ZNF723: variants seen among roughly 807,000 people sequenced by gnomAD.
ZNF723 encodes the protein zinc finger protein 723.
Under a neutral mutation model 9.4 loss-of-function variants are expected in ZNF723, and 5 were observed. That is an observed-to-expected ratio of 0.53 (90% CI 0.28 to 1.12). The LOEUF is 1.12. ZNF723 is among the 50% of genes most tolerant of loss of function. ZNF723 has a pLI of 0.10. For missense variants in ZNF723, 450 were observed against 501.5 expected, an observed-to-expected ratio of 0.90 and a Z score of 0.98; for synonymous variants, 158 against 168.8, an observed-to-expected ratio of 0.94 and a Z score of 0.49.
upstream of ZNF723, among the ~76,000 whole-genome samples, chr19:22,831,047 G>A (rs1194003287): frequency 6.6e-6 from 1 of 152,164 alleles, no homozygotes; most frequent in Non-Finnish European, 1.5e-5. Flanking sequence ...ACAGGCGTGA[G>A]CCACCGTGCC....
the ZNF723 span, among the ~76,000 whole-genome samples, chr19:22,813,497 G>A: frequency 6.6e-6 from 1 of 152,006 alleles, no homozygotes; most frequent in Admixed American, 6.6e-5. Flanking sequence ...TGCCTACAGG[G>A]GACACTGATA....
At chr19:22,821,510 G>T in the ZNF723 span, among the ~76,000 whole-genome samples, 4 of 152,142 alleles carry the variant, frequency 2.6e-5, no homozygotes, top group African/African-American at 9.7e-5. Flanking sequence ...CCTGCCCACA[G>T]AAGGCACTGT....
chr19:22,833,948 T>C (rs1481825456), intron 1 of ZNF723, among the ~76,000 whole-genome samples: 25 of 136,022 alleles, frequency 1.8e-4, no homozygotes, highest in African/African-American at 5.2e-4. Context: ...TTTTTTTTTT[T>C]CCGAGTCTCC....
chr19:22,830,618 C>T (rs1047407983), upstream of ZNF723, among the ~76,000 whole-genome samples: 2 of 152,118 alleles, frequency 1.3e-5, no homozygotes, highest in African/African-American at 4.8e-5. Flanking sequence ...CATTGATCAA[C>T]AAATTCAGTT....
At chr19:22,829,582 G>T (rs183706357), upstream of ZNF723, among the ~76,000 whole-genome samples, 5 of 152,216 alleles carry the variant, frequency 3.3e-5, no homozygotes, top group East Asian at 9.7e-4. Flanking sequence ...ACCACGCCCG[G>T]CCAATAAGTA....
intron 3 of ZNF723, among the ~76,000 whole-genome samples, chr19:22,856,311 T>G (rs1967478396): frequency 6.6e-6 from 1 of 152,118 alleles, no homozygotes; most frequent in Non-Finnish European, 1.5e-5. Flanking sequence ...ACAATTTCTG[T>G]TTTTTTGATA....
intron 1 of ZNF723, chr19:22,840,314 G>A (rs1436092818): frequency 1.3e-5 from 2 of 150,572 alleles, no homozygotes; most frequent in African/African-American, 5.0e-5. Context: ...TGGGATAACA[G>A]GCATGCGCCA....
At chr19:22,847,032 C>G (rs73566461) in intron 1 of ZNF723, among the ~76,000 whole-genome samples, 1 of 144,030 alleles carries the variant, frequency 6.9e-6, no homozygotes, top group South Asian at 2.2e-4. Context: ...CACTCTCTGA[C>G]AGATTTTTTT....
rs1967280125 is a variant in ZNF723 at position 22,844,126 on chromosome 19, T to TAA, written c.4-4134_4-4133insAA. Among the ~76,000 whole-genome samples the TAA allele has an allele frequency of 2.0e-5, 3 of 152,148 alleles. No individual in the cohort carries two copies. The South Asian group carries it at 6.2e-4, about 32-fold the overall frequency. ...CTGCTGCCTTTCTAAAGCTGGTACT[T>TAA]ACAATTTTCTGAACCCCAAAGGAGA... On this transcript the variant is annotated intron_variant, in intron 1 of 3. Coordinates refer to ENST00000600766, the MANE Select transcript of ZNF723 (RefSeq NM_001349726.2).
chr19:22,858,374 A>G lies in ZNF723; in HGVS notation c.1483A>G (p.Ile495Val). 3.5e-6 allele frequency: 3 copies of G among 868,768 alleles called. No homozygotes were observed. The highest frequency in any genetic ancestry group is 5.6e-6 in the Non-Finnish European group (3 of 531,390). 53.8% of individuals were successfully genotyped at this position (868,768 alleles called of 1,614,324 possible). A position where few individuals can be genotyped will look rare whatever the true frequency, so the allele number is the denominator to read the frequency against. Reference protein sequence around the residue: ...ECGKAFNKSSILNRHKIIHTK... With the variant: ...ECGKAFNKSSVLNRHKIIHTK... The stretch of plus-strand genomic sequence containing the variant: ...TGGCAAAGCCTTTAACAAGTCCTCA[A>G]TTCTTAACAGACATAAGATAATTCA... The change falls in exon 4 of 4, where the codon ATT (isoleucine) becomes GTT (valine). Residue 495 changes from isoleucine (I) to valine (V), a missense_variant. This residue lies in a region of ZNF723 where 43 missense variants were observed against 22.2 expected (regional missense o/e 1.94). Coordinates refer to ENST00000600766, the MANE Select transcript of ZNF723 (RefSeq NM_001349726.2).
the ZNF723 span, among the ~76,000 whole-genome samples, chr19:22,821,874 C>T: frequency 6.6e-6 from 1 of 152,152 alleles, no homozygotes; most frequent in African/African-American, 2.4e-5. Flanking sequence ...TCTGGGGGGC[C>T]AAGGCGGGTG....
the ZNF723 span, among the ~76,000 whole-genome samples, chr19:22,812,512 T>G: frequency 6.6e-6 from 1 of 152,232 alleles, no homozygotes; most frequent in African/African-American, 2.4e-5. Flanking sequence ...CTCTCACAAC[T>G]GAGCTTAGTT....
At chr19:22,829,553 G>A (rs549052467), upstream of ZNF723, among the ~76,000 whole-genome samples, 2 of 152,098 alleles carry the variant, frequency 1.3e-5, no homozygotes, top group Non-Finnish European at 2.9e-5. Context: ...CCAAAGTGCT[G>A]GGATTACAGG....
chr19:22,842,148 G>A (rs1274949238), intron 1 of ZNF723, among the ~76,000 whole-genome samples: 1 of 152,142 alleles, frequency 6.6e-6, no homozygotes, highest in Non-Finnish European at 1.5e-5. Flanking sequence ...GGGATTACAG[G>A]CATGTGCCAT....
At chr19:22,821,394 C>T in the ZNF723 span, among the ~76,000 whole-genome samples, 1 of 152,122 alleles carries the variant, frequency 6.6e-6, no homozygotes, top group African/African-American at 2.4e-5. Flanking sequence ...CTGCTGGACC[C>T]ATCGCCTAGG....
chr19:22,818,454 C>A, the ZNF723 span, among the ~76,000 whole-genome samples: 2 of 152,122 alleles, frequency 1.3e-5, no homozygotes, highest in Admixed American at 1.3e-4. Flanking sequence ...GATAGACACA[C>A]CTTAGAGGCT....
At chr19:22,822,366 C>T in the ZNF723 span, among the ~76,000 whole-genome samples, 2 of 152,162 alleles carry the variant, frequency 1.3e-5, no homozygotes, top group Non-Finnish European at 2.9e-5. Flanking sequence ...GGACCCAGCT[C>T]AGAGGCACAG....
At chr19:22,856,710 CAG>C (rs1298376515) in intron 3 of ZNF723, among the ~76,000 whole-genome samples, 1 of 152,090 alleles carries the variant, frequency 6.6e-6, no homozygotes, top group African/African-American at 2.4e-5. Context: ...TCATTGGAAA[CAG>C]AAACCAAGTG....
chr19:22,824,761 C>T, the ZNF723 span, among the ~76,000 whole-genome samples: 1 of 152,174 alleles, frequency 6.6e-6, no homozygotes, highest in Non-Finnish European at 1.5e-5. Flanking sequence ...CATGTAAATG[C>T]TGTTCACAGT....
Sources: gnomAD v4.1 joint callset for allele counts (sites outside exome capture counted in the v4.1 genomes callset) on GRCh38, gnomAD v4.1.1 for gene constraint, gnomAD v4.1.1 regional missense constraint, MANE v1.5 for transcripts, NCBI Gene and HGNC (gene_info 2026-07-23, HGNC 2026-07-21) for gene names.